Variants in CHD5 observed in about 807,000 individuals in gnomAD.
CHD5 encodes ATP-dependent chromatin remodeler CHD5.
In CHD5, 69 loss-of-function variants were observed where a neutral mutation model predicts 230.3. That is an observed-to-expected ratio of 0.30 (90% CI 0.25 to 0.37). CHD5 has a LOEUF of 0.37. Ranked by LOEUF, CHD5 falls within the 10% of genes least tolerant of loss-of-function variation. CHD5 has a pLI of 1.00. For missense variants in CHD5, 1,827 were observed against 2,622.8 expected, an observed-to-expected ratio of 0.70 and a Z score of 6.63; for synonymous variants, 1,064 against 1,065.9, an observed-to-expected ratio of 1.00 and a Z score of 0.03.
chr1:6,147,577 G>A (rs548941835), intron 9 of CHD5, among the ~76,000 whole-genome samples: 16 of 152,310 alleles, frequency 1.1e-4, no homozygotes, highest in East Asian at 5.8e-4. Flanking sequence ...CCAAGGAGGC[G>A]GTGCTGTCTG....
intron 3 of CHD5, among the ~76,000 whole-genome samples, chr1:6,158,931 C>T (rs1391871752): frequency 4.6e-5 from 6 of 129,960 alleles, no homozygotes; most frequent in African/African-American, 1.3e-4. Context: ...GGCGTGAACC[C>T]GGGAGGCGAA....
At chr1:6,108,747 G>A (rs967477585) in intron 38 of CHD5, among the ~76,000 whole-genome samples, 3 of 147,448 alleles carry the variant, frequency 2.0e-5, no homozygotes, top group Non-Finnish European at 4.5e-5. Flanking sequence ...GAGAGACAGA[G>A]GGATGGAGGG....
At chr1:6,165,856 C>T (rs1435477070) in intron 2 of CHD5, among the ~76,000 whole-genome samples, 1 of 152,050 alleles carries the variant, frequency 6.6e-6, no homozygotes, top group Non-Finnish European at 1.5e-5. Flanking sequence ...GTCCTATCTC[C>T]ACTTCCCCAT....
intron 1 of CHD5, among the ~76,000 whole-genome samples, chr1:6,178,627 A>G (rs145646259): frequency 2.0e-5 from 3 of 152,060 alleles, no homozygotes; most frequent in Non-Finnish European, 4.4e-5. Context: ...CCACCCCAAG[A>G]GAGGACTCCC....
intron 5 of CHD5, among the ~76,000 whole-genome samples, chr1:6,152,765 C>T (rs1029922759): frequency 6.6e-5 from 10 of 152,220 alleles, no homozygotes; most frequent in African/African-American, 2.4e-4. Flanking sequence ...CCCTGACCGC[C>T]TTGCTGCCCC....
At chr1:6,169,694 G>A (rs2100883567) in intron 1 of CHD5, among the ~76,000 whole-genome samples, 1 of 152,342 alleles carries the variant, frequency 6.6e-6, no homozygotes, top group East Asian at 1.9e-4. Context: ...TGGGGGCAAA[G>A]GAGGCTTCCA....
Position 6,167,281 on chromosome 1 carries a change from T to C in CHD5, c.207+869A>G, listed in dbSNP as rs1051239788. 6.6e-6 allele frequency among the ~76,000 whole-genome samples: 1 copy of C among 152,168 alleles called. No homozygotes were observed. Among genetic ancestry groups the C allele is most frequent in the African/African-American group, 2.4e-5 (1 of 41,440 alleles). ...TGGATTCAGATCTCAGCACCACCAC[T>C]GTGTCACTGTGTGACCTTGGGCCAG... On this transcript the variant is annotated intron_variant, in intron 2 of 41. Coordinates refer to ENST00000262450, the MANE Select transcript of CHD5 (RefSeq NM_015557.3). The surrounding 1 kb of genome is among the most constrained non-coding windows in gnomAD (Gnocchi z 4.5).
chr1:6,113,140 C>T (rs1443624337), intron 33 of CHD5, 142 bp from the exon 34 acceptor site: 1 of 664,150 alleles, frequency 1.5e-6, no homozygotes, highest in Non-Finnish European at 2.7e-6. Flanking sequence ...AAGAGCTCTC[C>T]TCGGCCAGGT....
rs1413939748 is a variant in CHD5, at chr1:6,146,423, G to A, written c.1591C>T (p.Leu531=). 6.2e-7 allele frequency: 1 copy of A among 1,612,688 alleles called. No individual in the cohort carries two copies. Among genetic ancestry groups the A allele is most frequent in the African/African-American group, 1.3e-5 (1 of 74,960 alleles). ...TACATCACCGTGTGGTACAGCTCCAGCTGCTCATGGAGCGGCACAAAGTCA... is the reference window on the plus strand; with the variant it reads ...TACATCACCGTGTGGTACAGCTCCAACTGCTCATGGAGCGGCACAAAGTCA... The part of the protein sequence containing the change: ...WHCSWVKELQ[L]ELYHTVMYRN... Residue 531 remains leucine (L), a splice_region_variant and synonymous_variant, in exon 11 of 42, where the codon CTG becomes TTG. Transcript: ENST00000262450. The surrounding 1 kb of genome is among the most constrained non-coding windows in gnomAD (Gnocchi z 5.1).
chr1:6,154,913 G>A lies in CHD5; in HGVS notation c.507-15C>T. On this transcript the variant is annotated splice_polypyrimidine_tract_variant and intron_variant, in intron 4 of 41. Coordinates refer to ENST00000262450, the MANE Select transcript of CHD5 (RefSeq NM_015557.3). This position sits in a 1 kb window ranked among gnomAD's most constrained non-coding sequence, Gnocchi z 7.0. ...CAATGAGTGGCCTGTAGGGGGAGAG[G>A]CAGGAGGGTGAGGGCAAGGCCAGGT... 2 of 1,609,510 alleles carry A rather than the reference G, an allele frequency of 1.2e-6. No individual in the cohort carries two copies. Among genetic ancestry groups the A allele is most frequent in the Non-Finnish European group, 1.7e-6 (2 of 1,177,234 alleles).
chr1:6,171,219 G>A (rs1291390993), intron 1 of CHD5, among the ~76,000 whole-genome samples: 9 of 152,204 alleles, frequency 5.9e-5, no homozygotes, highest in Non-Finnish European at 1.3e-4. Context: ...GGTAAGGGGA[G>A]GACAAAGGGG....
In CHD5 at chr1:6,179,012, G is replaced by A. The variant is rs141035725; in HGVS notation, c.79+933C>T. Among the ~76,000 whole-genome samples, 1,297 of 152,366 alleles carry A rather than the reference G, an allele frequency of 8.5e-3. 14 individuals are homozygous for A. The highest frequency in any genetic ancestry group is 0.012 in the Non-Finnish European group (803 of 68,040). Reference sequence around the variant, plus strand: ...GAGTCTCCCAGAAAGGAGGGAGGGTGGCTGACAGGGTGGGGCCCTACCCAG... The same window carrying A: ...GAGTCTCCCAGAAAGGAGGGAGGGTAGCTGACAGGGTGGGGCCCTACCCAG... On this transcript the variant is annotated intron_variant, in intron 1 of 41. Coordinates refer to ENST00000262450, the MANE Select transcript of CHD5 (RefSeq NM_015557.3).
rs955636161 is a variant in CHD5, at chr1:6,131,373, C to T, written c.3262+258G>A. Among the ~76,000 whole-genome samples the T allele has an allele frequency of 6.6e-6, 1 of 152,200 alleles. No individual in the cohort carries two copies. The highest frequency in any genetic ancestry group is 1.5e-5 in the Non-Finnish European group (1 of 68,030). On this transcript the variant is annotated intron_variant, in intron 21 of 41. Transcript: ENST00000262450. The surrounding 1 kb of genome is among the most constrained non-coding windows in gnomAD (Gnocchi z 5.0). ...CCACTTGTAACTGGGGCTCACCTGG[C>T]GTCAATATTAGAGGCCCCGTCTGCG... is the stretch of plus-strand genomic sequence containing the variant.
At chr1:6,170,108 C>T (rs1667313345) in intron 1 of CHD5, among the ~76,000 whole-genome samples, 1 of 152,092 alleles carries the variant, frequency 6.6e-6, no homozygotes, top group Admixed American at 6.5e-5. Flanking sequence ...TAACCACCTA[C>T]AGCTGGCAGT....
At chr1:6,159,660 T>C in intron 2 of CHD5, 145 bp from the exon 3 acceptor site, 1 of 689,436 alleles carries the variant, frequency 1.5e-6, no homozygotes, top group South Asian at 1.9e-5. Flanking sequence ...CAGAGGCCAC[T>C]GCTCACAGCT....
At chr1:6,173,305 C>T (rs1667368317) in intron 1 of CHD5, among the ~76,000 whole-genome samples, 2 of 151,900 alleles carry the variant, frequency 1.3e-5, no homozygotes, top group African/African-American at 4.8e-5. Flanking sequence ...AGGGTTTCAC[C>T]ATGTTAGCCA....
chr1:6,143,285 G>A (rs910358654), intron 13 of CHD5, among the ~76,000 whole-genome samples: 1 of 151,744 alleles, frequency 6.6e-6, no homozygotes, highest in South Asian at 2.1e-4. Flanking sequence ...CTCCCACCCC[G>A]GCCTCCCACA....
At position 6,128,712 on chromosome 1, in the gene CHD5, T is replaced by TA; in HGVS notation, c.3620-104dup. ...ACCCTGGGCTGTCCTAGCCAGGAGA[T>TA]ACAGGTGGGGGGTGCAGAAGAGAGG... is the stretch of plus-strand genomic sequence containing the variant. On this transcript the variant is annotated intron_variant, in intron 23 of 41. Transcript: ENST00000262450. This position sits in a 1 kb window ranked among gnomAD's most constrained non-coding sequence, Gnocchi z 7.8. 3.9e-6 allele frequency: 5 copies of TA among 1,276,346 alleles called. No individual in the cohort carries two copies. In the East Asian group the frequency reaches 1.2e-4, roughly 31 times the overall value. 79.1% of individuals were successfully genotyped at this position (1,276,346 alleles called of 1,614,324 possible). A position where few individuals can be genotyped will look rare whatever the true frequency, so the allele number is the denominator to read the frequency against.
rs768593825 is a variant in CHD5 at position 6,106,392 on chromosome 1, T to C, written c.5857+3A>G. On this transcript the variant is annotated splice_donor_region_variant and intron_variant, in intron 40 of 41. Coordinates refer to ENST00000262450, the MANE Select transcript of CHD5 (RefSeq NM_015557.3). ...ATGCTGCCCGGAGCGGACGGGCACC[T>C]ACCGGTCACATAGGGCCCCAGGGGC... is the stretch of plus-strand genomic sequence containing the variant. 19 of 1,602,904 alleles carry C rather than the reference T, an allele frequency of 1.2e-5. No individual in the cohort carries two copies. Among genetic ancestry groups the C allele is most frequent in the Non-Finnish European group, 1.4e-5 (17 of 1,175,314 alleles).
Sources: allele counts gnomAD v4.1 joint callset (sites outside exome capture counted in the v4.1 genomes callset), GRCh38; gene constraint gnomAD v4.1.1; non-coding constraint Gnocchi (gnomAD v3.1); transcripts MANE v1.5; gene names NCBI Gene and HGNC (gene_info 2026-07-23, HGNC 2026-07-21).